ERBB4: variants seen among roughly 807,000 people sequenced by gnomAD.
ERBB4 encodes the protein erb-b2 receptor tyrosine kinase 4, also known as receptor tyrosine-protein kinase erbB-4.
In ERBB4, 42 loss-of-function variants were observed where a neutral mutation model predicts 158.0. The observed-to-expected ratio is 0.27, with a 90% CI of 0.21 to 0.34. The LOEUF (loss-of-function observed/expected upper bound fraction) is 0.34. Among genes scored for constraint, ERBB4 ranks in the 10% least tolerant of loss-of-function variants. ERBB4 has a pLI of 1.00. For missense variants in ERBB4, 1,333 were observed against 1,624.1 expected (o/e 0.82, Z 3.08); for synonymous variants, 583 against 558.7 (o/e 1.04, Z -0.61).
At chr2:211,918,013 A>AT (rs780199343) in intron 3 of ERBB4, among the ~76,000 whole-genome samples, 3 of 152,148 alleles carry the variant, frequency 2.0e-5, no homozygotes, top group African/African-American at 4.8e-5. Context: ...ATGAAATATG[A>AT]TTTTTAAGGG....
At chr2:211,537,947 A>G (rs948016543) in intron 20 of ERBB4, among the ~76,000 whole-genome samples, 1 of 151,920 alleles carries the variant, frequency 6.6e-6, no homozygotes, top group South Asian at 2.1e-4. Context: ...GTGCACCTGC[A>G]TTAGAAAATA....
intron 1 of ERBB4, among the ~76,000 whole-genome samples, chr2:212,388,563 C>T (rs981745343): frequency 5.3e-5 from 8 of 151,936 alleles, no homozygotes; most frequent in South Asian, 2.1e-4. Context: ...AAAGAAGTCA[C>T]GAACATTTTC....
At chr2:211,877,833 C>A (rs901254131) in intron 3 of ERBB4, among the ~76,000 whole-genome samples, 1 of 152,222 alleles carries the variant, frequency 6.6e-6, no homozygotes, top group South Asian at 2.1e-4. Flanking sequence ...TCAGGCCAGG[C>A]GAGGTGGTTC....
chr2:212,417,336 G>T (rs879637849), intron 1 of ERBB4, among the ~76,000 whole-genome samples: 49 of 152,028 alleles, frequency 3.2e-4, no homozygotes, highest in Admixed American at 2.4e-3. Flanking sequence ...AAATTAACAA[G>T]AACTAAATAG....
At chr2:212,335,398 G>T (rs183751490) in intron 1 of ERBB4, among the ~76,000 whole-genome samples, 32 of 151,994 alleles carry the variant, frequency 2.1e-4, no homozygotes, top group Non-Finnish European at 4.1e-4. Context: ...ATGGAATACA[G>T]AAACTAATGA....
At chr2:212,125,054 G>T in intron 1 of ERBB4, 151 bp from the exon 2 acceptor site, 1 of 821,034 alleles carries the variant, frequency 1.2e-6, no homozygotes, top group Non-Finnish European at 2.0e-6. Context: ...ATAGACCCAC[G>T]CACTGATGAA....
chr2:211,695,485 T>C (rs766778626), intron 12 of ERBB4, among the ~76,000 whole-genome samples: 2 of 152,184 alleles, frequency 1.3e-5, no homozygotes, highest in African/African-American at 2.4e-5. Flanking sequence ...AAATACTAAG[T>C]CTGTTACTTA....
In ERBB4 at chr2:211,624,033, T is replaced by G; in HGVS notation, c.2091A>C (p.Pro697=). The G allele has an allele frequency of 4.3e-6, 7 of 1,614,142 alleles. No individual in the cohort carries two copies. The highest frequency in any genetic ancestry group is 4.2e-6 in the Non-Finnish European group (5 of 1,179,996). Residue 697 remains proline, a synonymous_variant, in exon 18 of 28, where the codon CCA becomes CCC. Transcript: ENST00000342788. ...TGGGTGCTGTGCCACTGGGAGTTAA[T>G]GGTTCCACCAACTGCAAAGCGGAAA... The part of the protein sequence containing the change: ...RRFLETELVE[P]LTPSGTAPNQ...
At chr2:212,140,078 G>C (rs945971221) in intron 1 of ERBB4, among the ~76,000 whole-genome samples, 1 of 151,602 alleles carries the variant, frequency 6.6e-6, no homozygotes, top group Non-Finnish European at 1.5e-5. Flanking sequence ...CTTAATGCAA[G>C]TCAAATAATG....
intron 2 of ERBB4, among the ~76,000 whole-genome samples, chr2:212,115,763 C>T (rs2079552773): frequency 6.6e-6 from 1 of 152,124 alleles, no homozygotes; most frequent in African/African-American, 2.4e-5. Flanking sequence ...CCCACCTAGG[C>T]CTTCCAAAGT....
chr2:211,829,650 T>C (rs2077177361), intron 3 of ERBB4, among the ~76,000 whole-genome samples: 1 of 152,148 alleles, frequency 6.6e-6, no homozygotes, highest in Non-Finnish European at 1.5e-5. Context: ...TCATGTAACA[T>C]ATATTGCATT....
chr2:212,462,724 C>G (rs1223681171), intron 1 of ERBB4, among the ~76,000 whole-genome samples: 1 of 152,012 alleles, frequency 6.6e-6, no homozygotes, highest in African/African-American at 2.4e-5. Flanking sequence ...GATATAACTA[C>G]CATATGATTC....
At chr2:211,945,745 A>T (rs190450439) in intron 3 of ERBB4, among the ~76,000 whole-genome samples, 99 of 152,210 alleles carry the variant, frequency 6.5e-4, no homozygotes, top group African/African-American at 2.3e-3. Flanking sequence ...CTAATAATTT[A>T]GTAGTACTGG....
intron 1 of ERBB4, among the ~76,000 whole-genome samples, chr2:212,152,930 A>G (rs2080917822): frequency 6.6e-6 from 1 of 152,158 alleles, no homozygotes; most frequent in Admixed American, 6.6e-5. Context: ...GAGGCATCAC[A>G]TGTTCCACAG....
intron 7 of ERBB4, among the ~76,000 whole-genome samples, chr2:211,719,790 G>C (rs1043686550): frequency 6.6e-6 from 1 of 151,294 alleles, no homozygotes; most frequent in Non-Finnish European, 1.5e-5. Flanking sequence ...GGGATGCAGA[G>C]GTTGCAGTGA....
intron 27 of ERBB4, among the ~76,000 whole-genome samples, chr2:211,384,378 A>T (rs2062641304): frequency 1.3e-5 from 2 of 152,150 alleles, no homozygotes; most frequent in African/African-American, 4.8e-5. Flanking sequence ...TTGTTTTCTA[A>T]AAGTTATTTA....
At chr2:212,003,874 T>G (rs911167467) in intron 2 of ERBB4, among the ~76,000 whole-genome samples, 2 of 152,132 alleles carry the variant, frequency 1.3e-5, no homozygotes, top group Non-Finnish European at 2.9e-5. Flanking sequence ...AGTTATATAT[T>G]TTCTCTAAGC....
intron 3 of ERBB4, among the ~76,000 whole-genome samples, chr2:211,917,788 G>C (rs955178633): frequency 1.3e-5 from 2 of 152,196 alleles, no homozygotes; most frequent in African/African-American, 4.8e-5. Context: ...TGATTGCACT[G>C]ATGGGTTTTG....
chr2:212,364,918 T>C (rs1347298278), intron 1 of ERBB4, among the ~76,000 whole-genome samples: 1 of 135,754 alleles, frequency 7.4e-6, no homozygotes, highest in Non-Finnish European at 1.5e-5. Flanking sequence ...TGTGTGAGTG[T>C]GTGTGTGTGT....
Sources: gnomAD v4.1 joint callset for allele counts (sites outside exome capture counted in the v4.1 genomes callset) on GRCh38, gnomAD v4.1.1 for gene constraint, MANE v1.5 for transcripts, NCBI Gene and HGNC (gene_info 2026-07-23, HGNC 2026-07-21) for gene names.